The following CLEC4A variants were observed in gnomAD, a reference collection of about 807,000 sequenced individuals.
The protein encoded by CLEC4A is C-type lectin domain family 4 member A.
Under a neutral mutation model 32.7 loss-of-function variants are expected in CLEC4A, and 27 were observed. That is an observed-to-expected ratio of 0.83 (90% CI 0.61 to 1.14). CLEC4A has a LOEUF of 1.14. Ranked by LOEUF, CLEC4A falls within the 50% of genes most tolerant of loss-of-function variation. The probability of loss-of-function intolerance (pLI) is 0.00; values close to 1 mark genes in which losing one functional copy is unlikely to be tolerated. For synonymous variants in CLEC4A, 89 were observed against 93.7 expected (o/e 0.95, Z 0.29); for missense variants, 253 against 274.6 (o/e 0.92, Z 0.55).
At position 8,136,851 on chromosome 12, in the gene CLEC4A, G is replaced by A; in HGVS notation, c.514G>A (p.Gly172Ser). The A allele has an allele frequency of 6.2e-7, 1 of 1,613,744 alleles. No homozygotes were observed. The highest frequency in any genetic ancestry group is 8.5e-7 in the Non-Finnish European group (1 of 1,179,658). Residue 172 changes from glycine (G) to serine (S), a missense_variant, in exon 5 of 6, where the codon GGT becomes AGT. Transcript: ENST00000229332. The stretch of plus-strand genomic sequence containing the variant: ...TTTTGTGGGGCTCTCAGATCCAGAA[G>A]GTCAGCGACATTGGCAATGGGTTGA... ...AYFVGLSDPE[G>S]QRHWQWVDQT...
chr12:8,125,014 G>A (rs982191198), intron 1 of CLEC4A, among the ~76,000 whole-genome samples: 1 of 151,978 alleles, frequency 6.6e-6, no homozygotes, highest in African/African-American at 2.4e-5. Flanking sequence ...CCATGAGATG[G>A]TAACTAAAAA....
upstream of CLEC4A, among the ~76,000 whole-genome samples, chr12:8,120,477 T>G (rs1209338965): frequency 6.6e-6 from 1 of 152,174 alleles, no homozygotes; most frequent in Non-Finnish European, 1.5e-5. Flanking sequence ...GGCAAATTCT[T>G]TATTACCTAG....
the CLEC4A span, among the ~76,000 whole-genome samples, chr12:8,114,961 T>C: frequency 6.6e-6 from 1 of 152,198 alleles, no homozygotes; most frequent in Non-Finnish European, 1.5e-5. Context: ...GGGAATGATT[T>C]CCTCTGAACT....
the CLEC4A span, among the ~76,000 whole-genome samples, chr12:8,103,542 C>T: frequency 3.3e-5 from 5 of 151,862 alleles, no homozygotes; most frequent in South Asian, 2.1e-4. Context: ...CACGCCACCA[C>T]GCCTGGCTAA....
intron 3 of CLEC4A, chr12:8,133,757 G>A (rs1448426417): frequency 6.3e-7 from 1 of 1,587,538 alleles, no homozygotes; most frequent in Admixed American, 1.8e-5. Context: ...CCCATTCCTA[G>A]AAGGGCAGGC....
chr12:8,102,989 C>T, the CLEC4A span, among the ~76,000 whole-genome samples: 1 of 152,070 alleles, frequency 6.6e-6, no homozygotes, highest in Non-Finnish European at 1.5e-5. Context: ...AGAGGTATAT[C>T]TTAGACCTTA....
At chr12:8,133,822 G>A in intron 3 of CLEC4A, 2 of 1,585,646 alleles carry the variant, frequency 1.3e-6, no homozygotes, top group South Asian at 1.1e-5. Context: ...CAGGGGGAAA[G>A]GCTTCCCCCT....
At chr12:8,111,959 G>A in the CLEC4A span, among the ~76,000 whole-genome samples, 15 of 113,720 alleles carry the variant, frequency 1.3e-4, no homozygotes, top group South Asian at 6.0e-4. Context: ...GTGTGTGTGT[G>A]TGTGTATTTT....
At chr12:8,113,073 C>T in the CLEC4A span, among the ~76,000 whole-genome samples, 1 of 151,200 alleles carries the variant, frequency 6.6e-6, no homozygotes, top group Non-Finnish European at 1.5e-5. Context: ...CCCATTAACT[C>T]GTCATTTACA....
At chr12:8,135,000 A>ATTTTTTTTTTTTTTTTTTTTGT (rs1591611988) in intron 3 of CLEC4A, 1 of 45,298 alleles carries the variant, frequency 2.2e-5, no homozygotes, top group Non-Finnish European at 3.2e-5. Flanking sequence ...TTTTTTAATC[A>ATTTTTTTTTTTTTTTTTTTTGT]TGGCTGCTTT....
At chr12:8,133,429 C>A (rs1225654938) in intron 3 of CLEC4A, among the ~76,000 whole-genome samples, 1 of 151,972 alleles carries the variant, frequency 6.6e-6, no homozygotes, top group Non-Finnish European at 1.5e-5. Flanking sequence ...CTCTCTATCC[C>A]CTTCATTCTG....
the CLEC4A span, among the ~76,000 whole-genome samples, chr12:8,103,373 GTTGTTTTTTTTT>G: frequency 4.6e-4 from 36 of 78,024 alleles, 6 homozygotes; most frequent in African/African-American, 1.4e-3. Context: ...GTTTCTTTCT[GTTGTTTTTTTTT>G]TTTTTTTTTT....
chr12:8,134,976 T>TTTTTTTG, intron 3 of CLEC4A: 4 of 309,610 alleles, frequency 1.3e-5, no homozygotes, highest in Non-Finnish European at 1.5e-5. Flanking sequence ...TTGAAGCGTT[T>TTTTTTTG]TTGTTTTTTG....
the CLEC4A span, among the ~76,000 whole-genome samples, chr12:8,110,877 C>CTT: frequency 5.5e-5 from 8 of 145,500 alleles, no homozygotes; most frequent in Non-Finnish European, 7.6e-5. Flanking sequence ...TTTCTAGACA[C>CTT]TTTTTTTTTT....
At chr12:8,119,398 A>G (rs1211334118), upstream of CLEC4A, among the ~76,000 whole-genome samples, 1 of 151,946 alleles carries the variant, frequency 6.6e-6, no homozygotes, top group Non-Finnish European at 1.5e-5. Flanking sequence ...CTAATTTTGT[A>G]TTTTTAGTAG....
At chr12:8,104,116 T>A in the CLEC4A span, among the ~76,000 whole-genome samples, 1 of 152,150 alleles carries the variant, frequency 6.6e-6, no homozygotes, top group Non-Finnish European at 1.5e-5. Flanking sequence ...TGCTCCTGGC[T>A]ACATGACTTA....
chr12:8,137,630 T>C (rs925463025), intron 5 of CLEC4A, among the ~76,000 whole-genome samples: 2 of 152,166 alleles, frequency 1.3e-5, no homozygotes, highest in Admixed American at 6.5e-5. Context: ...AAATAAATAG[T>C]GATATTACTC....
chr12:8,103,373 G>GTTTTTTTTTTT, the CLEC4A span, among the ~76,000 whole-genome samples: 172 of 77,936 alleles, frequency 2.2e-3, 15 homozygotes, highest in Middle Eastern at 8.5e-3. Flanking sequence ...GTTTCTTTCT[G>GTTTTTTTTTTT]TTGTTTTTTT....
chr12:8,110,905 G>T, the CLEC4A span, among the ~76,000 whole-genome samples: 2 of 149,966 alleles, frequency 1.3e-5, no homozygotes, highest in Non-Finnish European at 3.0e-5. Flanking sequence ...ACGGAGTCTC[G>T]CTCTGTCGCC....
Sources: allele counts gnomAD v4.1 joint callset (sites outside exome capture counted in the v4.1 genomes callset), GRCh38; gene constraint gnomAD v4.1.1; transcripts MANE v1.5; gene names NCBI Gene and HGNC (gene_info 2026-07-23, HGNC 2026-07-21).